Variants in CLEC4D observed in about 807,000 individuals in gnomAD.
CLEC4D encodes C-type lectin domain family 4 member D, also known as C-type (calcium dependent, carbohydrate-recognition domain) lectin, superfamily member 8.
A neutral mutation model predicts 21.1 loss-of-function variants in CLEC4D; 21 were observed. The ratio of observed to expected loss-of-function variants is 1.00; its 90% CI spans 0.71 to 1.43. CLEC4D has a LOEUF of 1.43. Ranked by LOEUF, CLEC4D falls within the 40% of genes most tolerant of loss-of-function variation. CLEC4D has a pLI of 0.00. For synonymous variants in CLEC4D, 85 were observed against 83.1 expected (o/e 1.02, Z -0.12); for missense variants, 289 against 260.7 (o/e 1.11, Z -0.75).
intron 5 of CLEC4D, 132 bp downstream of exon 5, chr12:8,520,473 C>A: frequency 7.3e-7 from 1 of 1,366,066 alleles, no homozygotes; most frequent in Non-Finnish European, 9.5e-7. Context: ...GAGTAATCTC[C>A]ATATGCTATG....
chr12:8,518,311 T>C, intron 3 of CLEC4D, 37 bp downstream of exon 3: 1 of 831,250 alleles, frequency 1.2e-6, no homozygotes, highest in Non-Finnish European at 2.0e-6. Flanking sequence ...TTAATTTCCA[T>C]TTTCGTTCAA....
chr12:8,526,307 T>C (rs1367500441), downstream of CLEC4D, among the ~76,000 whole-genome samples: 1 of 152,236 alleles, frequency 6.6e-6, no homozygotes, highest in Non-Finnish European at 1.5e-5. Flanking sequence ...ATTCTTCCTG[T>C]CTATTTCTGG....
intron 2 of CLEC4D, among the ~76,000 whole-genome samples, chr12:8,516,658 T>C (rs1002471524): frequency 6.6e-6 from 1 of 152,054 alleles, no homozygotes; most frequent in Non-Finnish European, 1.5e-5. Flanking sequence ...TCTGGTGGAG[T>C]TTAAGCATTA....
chr12:8,519,468 A>G (rs1940429614), intron 4 of CLEC4D, among the ~76,000 whole-genome samples: 1 of 152,064 alleles, frequency 6.6e-6, no homozygotes, highest in Admixed American at 6.5e-5. Context: ...ACTTCACTCC[A>G]CTATAATTGT....
chr12:8,516,331 G>A (rs1281626317), intron 2 of CLEC4D, among the ~76,000 whole-genome samples: 1 of 152,026 alleles, frequency 6.6e-6, no homozygotes, highest in African/African-American at 2.4e-5. Flanking sequence ...AAAAGCCATA[G>A]GAGAAGATAC....
In CLEC4D at chr12:8,519,043, A is replaced by G. The variant is rs1355236313; in HGVS notation, c.267A>G (p.Arg89=). Residue 89 remains arginine, a synonymous_variant, in exon 4 of 6, where the codon AGA becomes AGG. Transcript: ENST00000299665. Reference sequence around the variant, plus strand: ...GGAACTGTTGTCCTATTGACTGGAGAGCCTTCCAGTCCAACTGCTATTTTC... The same window carrying G: ...GGAACTGTTGTCCTATTGACTGGAGGGCCTTCCAGTCCAACTGCTATTTTC... The part of the protein sequence containing the change: ...STWNCCPIDW[R]AFQSNCYFPL... The G allele has an allele frequency of 6.2e-7, 1 of 1,614,086 alleles. No individual in the cohort carries two copies. The highest frequency in any genetic ancestry group is 1.1e-5 in the South Asian group (1 of 91,068).
At chr12:8,522,584 G>T (rs1940471939), downstream of CLEC4D, among the ~76,000 whole-genome samples, 1 of 152,058 alleles carries the variant, frequency 6.6e-6, no homozygotes, top group Non-Finnish European at 1.5e-5. Context: ...AGCTGAAATG[G>T]TGCTAAATAA....
chr12:8,519,313 C>T (rs12309351), intron 4 of CLEC4D, among the ~76,000 whole-genome samples, 153 bp downstream of exon 4: 10,847 of 152,194 alleles, frequency 0.071, 811 homozygotes, highest in African/African-American at 0.19. Flanking sequence ...TGTCATATGG[C>T]CAACTTCTTT....
At chr12:8,513,823 A>G in intron 1 of CLEC4D, 63 bp downstream of exon 1, 1 of 802,476 alleles carries the variant, frequency 1.2e-6, no homozygotes, top group East Asian at 2.4e-5. Flanking sequence ...TTTAAAACAT[A>G]TGAATTGATG....
At chr12:8,523,197 T>C (rs774484099), downstream of CLEC4D, among the ~76,000 whole-genome samples, 4 of 152,332 alleles carry the variant, frequency 2.6e-5, no homozygotes, top group East Asian at 3.9e-4. Flanking sequence ...TTTGACTCTA[T>C]ATGAAATTTA....
downstream of CLEC4D, among the ~76,000 whole-genome samples, chr12:8,526,142 G>C (rs1940504015): frequency 6.6e-6 from 1 of 152,076 alleles, no homozygotes; most frequent in South Asian, 2.1e-4. Flanking sequence ...TTTGACATTG[G>C]AGAATCTGAT....
At chr12:8,527,642 C>G in the CLEC4D span, among the ~76,000 whole-genome samples, 119 of 152,348 alleles carry the variant, frequency 7.8e-4, 2 homozygotes, top group African/African-American at 2.8e-3. Flanking sequence ...AGTCCCAGTG[C>G]TGGCTACTGC....
chr12:8,513,846 A>G (rs1188375507), intron 1 of CLEC4D, 86 bp downstream of exon 1: 3 of 752,658 alleles, frequency 4.0e-6, no homozygotes, highest in Non-Finnish European at 7.1e-6. Context: ...AGTTTTAAAG[A>G]TTGTTGATGA....
At chr12:8,519,673 A>C (rs1940432302) in intron 4 of CLEC4D, among the ~76,000 whole-genome samples, 1 of 152,236 alleles carries the variant, frequency 6.6e-6, no homozygotes, top group Non-Finnish European at 1.5e-5. Context: ...AAGTACAGGA[A>C]AACTAATTCA....
At chr12:8,527,382 G>T in the CLEC4D span, among the ~76,000 whole-genome samples, 2 of 152,196 alleles carry the variant, frequency 1.3e-5, no homozygotes, top group Non-Finnish European at 2.9e-5. Context: ...CTGTCCCCGA[G>T]CCTCTGGCTG....
the CLEC4D span, among the ~76,000 whole-genome samples, chr12:8,530,217 T>C: frequency 6.6e-6 from 1 of 152,200 alleles, no homozygotes; most frequent in Non-Finnish European, 1.5e-5. Context: ...TAGCAACTAT[T>C]AGATTTAATG....
chr12:8,514,922 T>C (rs564413584), intron 1 of CLEC4D, among the ~76,000 whole-genome samples: 73 of 152,280 alleles, frequency 4.8e-4, no homozygotes, highest in Non-Finnish European at 9.0e-4. Context: ...TCCTTGACTC[T>C]AACATTGCTT....
chr12:8,513,783 A>G (rs1168023125), intron 1 of CLEC4D, 23 bp downstream of exon 1: 8 of 969,990 alleles, frequency 8.2e-6, no homozygotes, highest in Non-Finnish European at 1.3e-5. Flanking sequence ...TCTCCTTTCC[A>G]TTTCAAAGAA....
rs969863581 is a variant in CLEC4D at position 8,517,560 on chromosome 12, C to T, written c.122-604C>T. Among the ~76,000 whole-genome samples the T allele has an allele frequency of 7.9e-5, 12 of 151,566 alleles. No homozygotes were observed. In the East Asian group the frequency reaches 1.8e-3, roughly 22 times the overall value. On this transcript the variant is annotated intron_variant, in intron 2 of 5. Coordinates refer to ENST00000299665, the MANE Select transcript of CLEC4D (RefSeq NM_080387.5). ...AATGCATAAGGTTCATACAACCCAG[C>T]GCGCACCAAAAACCCCTATTCTAAC...
Sources: gnomAD v4.1 joint callset for allele counts (sites outside exome capture counted in the v4.1 genomes callset) on GRCh38, gnomAD v4.1.1 for gene constraint, MANE v1.5 for transcripts, NCBI Gene and HGNC (gene_info 2026-07-23, HGNC 2026-07-21) for gene names.